The following WWOX variants were observed in gnomAD, a reference collection of about 807,000 sequenced individuals.
The protein encoded by WWOX is WW domain containing oxidoreductase, also known as WW domain-containing oxidoreductase.
In WWOX, 69 loss-of-function variants were observed where a neutral mutation model predicts 46.2. The ratio of observed to expected loss-of-function variants is 1.49; its 90% CI spans 1.23 to 1.82. The LOEUF (loss-of-function observed/expected upper bound fraction) is 1.82, where lower values mean the gene tolerates loss of function less well. Ranked by LOEUF, WWOX falls within the 40% of genes most tolerant of loss-of-function variation. The probability of loss-of-function intolerance (pLI) is 0.00; values close to 1 mark genes in which losing one functional copy is unlikely to be tolerated. For synonymous variants in WWOX, 359 were observed against 202.6 expected, an observed-to-expected ratio of 1.77 and a Z score of -6.56; for missense variants, 919 against 542.6, an observed-to-expected ratio of 1.69 and a Z score of -6.89.
intron 8 of WWOX, among the ~76,000 whole-genome samples, chr16:78,541,246 G>C (rs1025393351): frequency 6.6e-6 from 1 of 151,472 alleles, no homozygotes; most frequent in Non-Finnish European, 1.5e-5. Context: ...AGGCCGAGGC[G>C]GGCGGATCAC....
intron 8 of WWOX, among the ~76,000 whole-genome samples, chr16:79,031,477 TG>T (rs1234245883): frequency 1.3e-5 from 2 of 152,080 alleles, no homozygotes; most frequent in Admixed American, 1.3e-4. Context: ...TCCATGTTAA[TG>T]TAATTCTTAT....
intron 6 of WWOX, among the ~76,000 whole-genome samples, chr16:78,392,190 C>T (rs960606921): frequency 6.6e-6 from 1 of 152,038 alleles, no homozygotes; most frequent in African/African-American, 2.4e-5. Context: ...TAGAGCCGCT[C>T]TCTGTCACTC....
At chr16:79,069,882 A>G (rs951326286) in intron 8 of WWOX, among the ~76,000 whole-genome samples, 1 of 152,210 alleles carries the variant, frequency 6.6e-6, no homozygotes, top group African/African-American at 2.4e-5. Context: ...ACTCATTGAA[A>G]AACACCTTGT....
At chr16:78,307,089 T>G (rs1456237680) in intron 5 of WWOX, among the ~76,000 whole-genome samples, 2 of 152,230 alleles carry the variant, frequency 1.3e-5, no homozygotes, top group Non-Finnish European at 2.9e-5. Flanking sequence ...TACCATATCT[T>G]GTTTTCACTG....
intron 8 of WWOX, among the ~76,000 whole-genome samples, chr16:78,594,709 G>T (rs1023098383): frequency 4.0e-5 from 6 of 151,828 alleles, no homozygotes; most frequent in African/African-American, 1.2e-4. Flanking sequence ...TTTCTCCTTT[G>T]TCCCTTTTTA....
chr16:78,816,901 A>G (rs1421980460), intron 8 of WWOX, among the ~76,000 whole-genome samples: 1 of 152,178 alleles, frequency 6.6e-6, no homozygotes, highest in Non-Finnish European at 1.5e-5. Flanking sequence ...AAGGCAAGAA[A>G]TAGCCAAGAT....
intron 8 of WWOX, chr16:78,873,600 A>G (rs933075572): frequency 1.3e-5 from 2 of 151,908 alleles, no homozygotes; most frequent in African/African-American, 4.8e-5. Context: ...TAGCCTGGGG[A>G]ACATACTGAC....
chr16:78,192,115 C>G (rs1001536185), intron 5 of WWOX, among the ~76,000 whole-genome samples: 2 of 152,002 alleles, frequency 1.3e-5, no homozygotes, highest in Non-Finnish European at 2.9e-5. Flanking sequence ...CATTCATACC[C>G]CAAACCTCAG....
intron 8 of WWOX, among the ~76,000 whole-genome samples, chr16:78,567,044 T>C (rs990266364): frequency 6.6e-6 from 1 of 152,192 alleles, no homozygotes; most frequent in Non-Finnish European, 1.5e-5. Flanking sequence ...ACATTCATTA[T>C]TTGTTAATCC....
intron 5 of WWOX, among the ~76,000 whole-genome samples, chr16:78,258,865 C>G (rs543795902): frequency 1.3e-5 from 2 of 152,100 alleles, no homozygotes; most frequent in African/African-American, 2.4e-5. Flanking sequence ...AACATAACGA[C>G]TTGCCTCATT....
At chr16:78,897,153 G>C (rs2044719811) in intron 8 of WWOX, 1 of 143,116 alleles carries the variant, frequency 7.0e-6, no homozygotes, top group African/African-American at 2.6e-5. Flanking sequence ...TGGTGGCTGA[G>C]GCTTGAGTAT....
chr16:78,787,330 C>T (rs1597609191), intron 8 of WWOX, among the ~76,000 whole-genome samples: 1 of 152,168 alleles, frequency 6.6e-6, no homozygotes, highest in African/African-American at 2.4e-5. Flanking sequence ...TCCCCATTTC[C>T]TCCTTCCCCC....
At chr16:79,106,475 C>T (rs2150644340) in intron 8 of WWOX, 1 of 151,768 alleles carries the variant, frequency 6.6e-6, no homozygotes, top group Non-Finnish European at 1.5e-5. Context: ...TTTTTGGTCC[C>T]TGAAATAAAA....
chr16:79,136,536 C>T (rs1457670927), intron 8 of WWOX, among the ~76,000 whole-genome samples: 1 of 152,142 alleles, frequency 6.6e-6, no homozygotes, highest in Non-Finnish European at 1.5e-5. Context: ...GCCCTGATGT[C>T]ACTTCTTAGG....
At chr16:78,198,190 G>A (rs2151771634) in intron 5 of WWOX, among the ~76,000 whole-genome samples, 1 of 152,216 alleles carries the variant, frequency 6.6e-6, no homozygotes, top group Non-Finnish European at 1.5e-5. Flanking sequence ...GGCTTGTCTG[G>A]TCATGCAGCT....
chr16:78,377,596 ACCT>A (rs2081860695), intron 5 of WWOX, among the ~76,000 whole-genome samples: 1 of 152,194 alleles, frequency 6.6e-6, no homozygotes, highest in Admixed American at 6.5e-5. Context: ...TTGACTGCCA[ACCT>A]CCTGTGTCAT....
At chr16:79,120,120 C>T (rs1186816881) in intron 8 of WWOX, among the ~76,000 whole-genome samples, 1 of 152,208 alleles carries the variant, frequency 6.6e-6, no homozygotes, top group Non-Finnish European at 1.5e-5. Flanking sequence ...TAATGACCTC[C>T]ACCTGGCAAC....
chr16:78,999,914 C>T (rs1168935693), intron 8 of WWOX, among the ~76,000 whole-genome samples: 1 of 152,132 alleles, frequency 6.6e-6, no homozygotes, highest in Non-Finnish European at 1.5e-5. Flanking sequence ...AATGAAAATT[C>T]TACGTCATGA....
intron 8 of WWOX, among the ~76,000 whole-genome samples, chr16:78,637,367 G>A (rs2046597575): frequency 1.3e-5 from 2 of 152,080 alleles, no homozygotes; most frequent in South Asian, 4.2e-4. Flanking sequence ...GTTGAACCCA[G>A]GAGGCAGAGG....
Sources: gnomAD v4.1 joint callset for allele counts (sites outside exome capture counted in the v4.1 genomes callset) on GRCh38, gnomAD v4.1.1 for gene constraint, MANE v1.5 for transcripts, NCBI Gene and HGNC (gene_info 2026-07-23, HGNC 2026-07-21) for gene names.